The following MORC1 variants were observed in gnomAD, a reference collection of about 807,000 sequenced individuals.
The protein encoded by MORC1 is MORC family CW-type zinc finger 1.
In MORC1, 59 loss-of-function variants were observed where a neutral mutation model predicts 134.9. The ratio of observed to expected loss-of-function variants is 0.44; its 90% CI spans 0.35 to 0.54. The LOEUF (loss-of-function observed/expected upper bound fraction) is 0.54, where lower values mean the gene tolerates loss of function less well. MORC1 is among the 20% of genes least tolerant of loss of function. The pLI, the probability that MORC1 is intolerant of heterozygous loss-of-function variation, is 0.00. For missense variants in MORC1, 947 were observed against 1,134.5 expected (o/e 0.83, Z 2.37); for synonymous variants, 395 against 391.7 (o/e 1.01, Z -0.10).
intron 8 of MORC1, among the ~76,000 whole-genome samples, chr3:109,092,372 G>C (rs911269476): frequency 6.6e-6 from 1 of 152,104 alleles, no homozygotes; most frequent in African/African-American, 2.4e-5. Flanking sequence ...GCTAACTGTG[G>C]AAAGAAATTT....
chr3:108,994,035 T>C (rs1948134302), intron 21 of MORC1, among the ~76,000 whole-genome samples: 1 of 152,158 alleles, frequency 6.6e-6, no homozygotes. Flanking sequence ...TGATGCTTTT[T>C]CTAAGCTGGA....
At chr3:109,069,837 T>A in intron 8 of MORC1, 80 bp from the exon 9 acceptor site, 1 of 1,434,092 alleles carries the variant, frequency 7.0e-7, no homozygotes, top group Non-Finnish European at 9.4e-7. Context: ...CATCAGACTA[T>A]CAGGTTATTA....
intron 8 of MORC1, among the ~76,000 whole-genome samples, chr3:109,085,579 A>T (rs1284265415): frequency 1.3e-5 from 2 of 151,728 alleles, no homozygotes; most frequent in Admixed American, 6.5e-5. Context: ...ACCCCAATTA[A>T]AATGGCTTTT....
intron 9 of MORC1, among the ~76,000 whole-genome samples, chr3:109,064,995 T>C (rs1223021856): frequency 6.6e-6 from 1 of 152,134 alleles, no homozygotes; most frequent in Non-Finnish European, 1.5e-5. Flanking sequence ...CTCCACCCCA[T>C]ATCCAATCCA....
At chr3:109,100,931 G>C (rs112067224) in intron 4 of MORC1, among the ~76,000 whole-genome samples, 4 of 152,072 alleles carry the variant, frequency 2.6e-5, no homozygotes, top group African/African-American at 4.8e-5. Context: ...CGGAAATACC[G>C]TGCCATCTTC....
rs573632489 is a variant in MORC1 at position 108,997,540 on chromosome 3, A to G, written c.2187+3017T>C. 5.9e-5 allele frequency among the ~76,000 whole-genome samples: 9 copies of G among 152,280 alleles called. No homozygotes were observed. The South Asian group carries it at 1.9e-3, about 32-fold the overall frequency. ...TTTAAAAGGTAAAATAAAAAAATAA[A>G]AAATTGCTTCAACAGACCACAGGCC... is the stretch of plus-strand genomic sequence containing the variant. On this transcript the variant is annotated intron_variant, in intron 21 of 27. Coordinates refer to ENST00000232603, the MANE Select transcript of MORC1 (RefSeq NM_014429.4).
At chr3:108,997,457 G>A (rs1284998379) in intron 21 of MORC1, among the ~76,000 whole-genome samples, 1 of 151,616 alleles carries the variant, frequency 6.6e-6, no homozygotes, top group Admixed American at 6.6e-5. Context: ...ACAGTGAGTG[G>A]AGATTGTGCC....
In MORC1 at chr3:109,057,478, T is replaced by A; in HGVS notation, c.1040A>T (p.Lys347Ile). The change falls in exon 13 of 28, where the codon AAA (lysine) becomes ATA (isoleucine). Residue 347 changes from lysine (K) to isoleucine (I), a missense_variant. Lys to Ile is a moderately radical substitution (Grantham distance 102). Coordinates refer to ENST00000232603, the MANE Select transcript of MORC1 (RefSeq NM_014429.4). ...GAACAGGGAGAGCGTTCTTGCTGTT[T>A]TTAATTCTCTAGAGTTACATTTAAA... is the stretch of plus-strand genomic sequence containing the variant. ...KNLKEKQREL[K>I]TARTLSLFYG... The A allele has an allele frequency of 2.5e-6, 4 of 1,595,378 alleles. No individual in the cohort carries two copies. Among genetic ancestry groups the A allele is most frequent in the Non-Finnish European group, 2.6e-6 (3 of 1,172,732 alleles).
chr3:109,033,470 G>A (rs1157208929), intron 15 of MORC1, among the ~76,000 whole-genome samples: 1 of 152,066 alleles, frequency 6.6e-6, no homozygotes, highest in African/African-American at 2.4e-5. Context: ...CTTGCCTTTA[G>A]GACGAAGGCA....
At position 109,094,992 on chromosome 3, in the gene MORC1, T is replaced by C; in HGVS notation, c.500A>G (p.Glu167Gly). ...VTDDPQKFAM[E>G]LSIIYKYSPF... ...GGAGTATTTATAAATTATAGATAAT[T>C]CCATTGCAAATTTCTGGGGATCATC... The change falls in exon 7 of 28, where the codon GAA becomes GGA. Residue 167 changes from glutamate (E) to glycine (G), a missense_variant. Transcript: ENST00000232603. 1 of 1,594,550 alleles carries C rather than the reference T, an allele frequency of 6.3e-7. No individual in the cohort carries two copies. Among genetic ancestry groups the C allele is most frequent in the Non-Finnish European group, 8.5e-7 (1 of 1,174,286 alleles).
chr3:109,097,204 C>T (rs914003580), intron 6 of MORC1, among the ~76,000 whole-genome samples: 7 of 152,046 alleles, frequency 4.6e-5, no homozygotes, highest in Non-Finnish European at 2.9e-5. Flanking sequence ...AAACAAAAAA[C>T]GAATGGGTCA....
At chr3:109,002,801 T>C (rs2107526699) in intron 20 of MORC1, among the ~76,000 whole-genome samples, 1 of 152,316 alleles carries the variant, frequency 6.6e-6, no homozygotes, top group East Asian at 1.9e-4. Flanking sequence ...TTCCCATTAC[T>C]TATAGGATAA....
intron 27 of MORC1, among the ~76,000 whole-genome samples, chr3:108,960,042 AT>A (rs200703934): frequency 0.015 from 2,282 of 152,312 alleles, 50 homozygotes; most frequent in African/African-American, 0.052. Flanking sequence ...ATGGCAAGTA[AT>A]TTTTTAAAAA....
intron 26 of MORC1, among the ~76,000 whole-genome samples, chr3:108,964,515 C>G (rs1248107082): frequency 6.6e-6 from 1 of 152,176 alleles, no homozygotes; most frequent in African/African-American, 2.4e-5. Flanking sequence ...AGACCCTTCT[C>G]TGACATCCAC....
At chr3:109,083,555 G>C (rs1950562799) in intron 8 of MORC1, among the ~76,000 whole-genome samples, 1 of 152,182 alleles carries the variant, frequency 6.6e-6, no homozygotes, top group South Asian at 2.1e-4. Flanking sequence ...AGGACCTGAT[G>C]TCTTCACTGC....
At chr3:109,043,178 TGGCAAAA>T (rs1949596813) in intron 14 of MORC1, among the ~76,000 whole-genome samples, 3 of 31,184 alleles carry the variant, frequency 9.6e-5, no homozygotes, top group Non-Finnish European at 2.2e-4. Flanking sequence ...AAGCAAAATG[TGGCAAAA>T]TGTGGGGGGG....
chr3:108,997,009 C>CAAAAAAAAA (rs36087713), intron 21 of MORC1, among the ~76,000 whole-genome samples: 1 of 31,542 alleles, frequency 3.2e-5, no homozygotes, highest in African/African-American at 1.2e-4. Flanking sequence ...GACTCTGTCT[C>CAAAAAAAAA]AAAAAAAAAA....
At chr3:109,074,039 T>G (rs1209323404) in intron 8 of MORC1, among the ~76,000 whole-genome samples, 2 of 152,164 alleles carry the variant, frequency 1.3e-5, no homozygotes, top group Non-Finnish European at 2.9e-5. Context: ...GGCAGCTCAG[T>G]TAAGACATAA....
rs1559886689 is a variant in MORC1, at chr3:109,005,112, T to C, written c.1971A>G (p.Pro657=). 1.9e-6 allele frequency: 3 copies of C among 1,613,034 alleles called. No homozygotes were observed. The highest frequency in any genetic ancestry group is 1.3e-5 in the African/African-American group (1 of 74,974). Residue 657 remains proline (P), a synonymous_variant, in exon 19 of 28, where the codon CCA becomes CCG. Transcript: ENST00000232603. ...EKMNSQQQRI[P]VALPENVKLA... is the part of the protein sequence containing the mutation. ...GTTTGACATTTTCTGGCAGAGCTACTGGAATTCTCTGCTGTTGAGAGTTCA... is the reference window on the plus strand; with the variant it reads ...GTTTGACATTTTCTGGCAGAGCTACCGGAATTCTCTGCTGTTGAGAGTTCA...
Sources: allele counts gnomAD v4.1 joint callset (sites outside exome capture counted in the v4.1 genomes callset), GRCh38; gene constraint gnomAD v4.1.1; transcripts MANE v1.5; gene names NCBI Gene and HGNC (gene_info 2026-07-23, HGNC 2026-07-21).